Variants in PCBP3 observed in about 807,000 individuals in gnomAD.
PCBP3 encodes poly(rC)-binding protein 3.
Under a neutral mutation model 52.7 loss-of-function variants are expected in PCBP3, and 25 were observed. That is an observed-to-expected ratio of 0.47 (90% CI 0.35 to 0.66). The LOEUF is 0.66. Among genes scored for constraint, PCBP3 ranks in the 30% least tolerant of loss-of-function variants. The pLI, the probability that PCBP3 is intolerant of heterozygous loss-of-function variation, is 0.01. For missense variants in PCBP3, 391 were observed against 490.3 expected (o/e 0.80, Z 1.91); for synonymous variants, 162 against 183.0 (o/e 0.89, Z 0.93).
At chr21:45,859,401 A>G (rs1406896946) in intron 5 of PCBP3, among the ~76,000 whole-genome samples, 3 of 152,202 alleles carry the variant, frequency 2.0e-5, no homozygotes, top group African/African-American at 7.2e-5. Context: ...CTGCATGGCT[A>G]TGCATCAGAA....
Position 45,735,325 on chromosome 21 carries a change from T to G in PCBP3, c.-199-67T>G, listed in dbSNP as rs957318611. The G allele has an allele frequency of 6.6e-6, 1 of 152,192 alleles. No individual in the cohort carries two copies. The highest frequency in any genetic ancestry group is 1.5e-5 in the Non-Finnish European group (1 of 68,038). 9.4% of individuals were successfully genotyped at this position (152,192 alleles called of 1,614,324 possible). A position where few individuals can be genotyped will look rare whatever the true frequency, so the allele number is the denominator to read the frequency against. On this transcript the variant is annotated intron_variant, in intron 2 of 17. Coordinates refer to ENST00000681687, the MANE Select transcript of PCBP3 (RefSeq NM_001384156.1). This position sits in a 1 kb window ranked among gnomAD's most constrained non-coding sequence, Gnocchi z 4.0. The stretch of plus-strand genomic sequence containing the variant: ...TGGTATCTAAGGTGATAGATTGTGA[T>G]TTCTGTCTCTCTTTGGAAAGCCTAT...
intron 4 of PCBP3, among the ~76,000 whole-genome samples, chr21:45,795,110 A>C (rs2091854990): frequency 6.6e-6 from 1 of 152,216 alleles, no homozygotes; most frequent in African/African-American, 2.4e-5. Flanking sequence ...GTGAACTTTT[A>C]TGTACATAAT....
At chr21:45,900,665 G>T (rs1179019088) in intron 8 of PCBP3, 42 bp downstream of exon 8, 1 of 1,303,146 alleles carries the variant, frequency 7.7e-7, no homozygotes, top group Non-Finnish European at 1.1e-6. Flanking sequence ...CCATTCCCGG[G>T]TGGGCGGGGT....
At chr21:45,814,442 G>C (rs565645839) in intron 4 of PCBP3, among the ~76,000 whole-genome samples, 33 of 116,768 alleles carry the variant, frequency 2.8e-4, no homozygotes, top group African/African-American at 1.1e-3. Context: ...AGTGATGAGT[G>C]GTGAGTGGTG....
chr21:45,900,601 CTG>C lies in PCBP3; in HGVS notation c.203_204del (p.Val68GlufsTer5), dbSNP rs751276546. On this transcript the variant is annotated frameshift_variant, in exon 8 of 18. Transcript: ENST00000681687. LOFTEE classifies it high-confidence loss of function. ...AAATCTTTATTCCAGAAAGGAGAAA[CTG>C]TGAAGAAGATGCGTGAGGAGGTGAG... The C allele has an allele frequency of 9.2e-6, 14 of 1,524,230 alleles. No individual in the cohort carries two copies. The highest frequency in any genetic ancestry group is 1.2e-5 in the Non-Finnish European group (13 of 1,122,110). 94.4% of individuals were successfully genotyped at this position (1,524,230 alleles called of 1,614,324 possible).
chr21:45,894,644 A>G (rs1286393694), intron 5 of PCBP3, among the ~76,000 whole-genome samples: 1 of 152,234 alleles, frequency 6.6e-6, no homozygotes, highest in African/African-American at 2.4e-5. Flanking sequence ...CCGCGCTGCC[A>G]GAAATGGCCT....
chr21:45,856,534 C>T (rs999474273), intron 5 of PCBP3, among the ~76,000 whole-genome samples: 2 of 152,150 alleles, frequency 1.3e-5, no homozygotes, highest in African/African-American at 2.4e-5. Context: ...TGGTGATGAC[C>T]GAGCTCTTGT....
intron 4 of PCBP3, among the ~76,000 whole-genome samples, chr21:45,843,935 G>A (rs2075885): frequency 1.3e-5 from 2 of 151,774 alleles, no homozygotes; most frequent in Non-Finnish European, 2.9e-5. Flanking sequence ...ACTTTTGTGG[G>A]GTATACTTGT....
At chr21:45,663,946 G>A (rs1055795752) in intron 1 of PCBP3, among the ~76,000 whole-genome samples, 4 of 151,218 alleles carry the variant, frequency 2.6e-5, no homozygotes, top group Admixed American at 1.3e-4. Flanking sequence ...TCTGTGGATT[G>A]CTTTGGGCAG....
chr21:45,939,935 G>C, intron 16 of PCBP3, 95 bp from the exon 17 acceptor site: 1 of 1,139,134 alleles, frequency 8.8e-7, no homozygotes, highest in Non-Finnish European at 1.3e-6. Context: ...CAAGGCTGGC[G>C]GCCCGTCCCA....
chr21:45,926,101 A>G (rs1023083224), intron 13 of PCBP3, among the ~76,000 whole-genome samples: 6 of 152,272 alleles, frequency 3.9e-5, no homozygotes, highest in African/African-American at 1.4e-4. Context: ...GCACAAAGCA[A>G]TTGCAGTCAT....
At chr21:45,911,387 C>T (rs2096389498) in intron 11 of PCBP3, 10 of 188,638 alleles carry the variant, frequency 5.3e-5, no homozygotes, top group South Asian at 1.5e-4. Context: ...GGAGTCAGGC[C>T]TTGGGGGGCA....
rs2088299934 is a variant in PCBP3 at position 45,758,568 on chromosome 21, T to G, written c.-126+3116T>G. ...TATTTTTTGCTTTTCCATGCTATTA[T>G]AAATGTAATTGTTTTCTTAATTTTA... On this transcript the variant is annotated intron_variant, in intron 4 of 17. Transcript: ENST00000681687. Among the ~76,000 whole-genome samples, 3 of 152,356 alleles carry G rather than the reference T, an allele frequency of 2.0e-5. No individual in the cohort carries two copies. In the South Asian group the frequency reaches 6.2e-4, roughly 32 times the overall value.
chr21:45,731,057 AT>A (rs2085415769), intron 2 of PCBP3, among the ~76,000 whole-genome samples: 2 of 152,148 alleles, frequency 1.3e-5, no homozygotes, highest in African/African-American at 4.8e-5. Flanking sequence ...TAAATCTGTC[AT>A]TTTGCTGTTG....
intron 9 of PCBP3, 93 bp downstream of exon 9, chr21:45,901,206 G>A (rs1314793199): frequency 2.2e-6 from 2 of 894,424 alleles, no homozygotes; most frequent in Non-Finnish European, 3.7e-6. Flanking sequence ...CCTGGACTAG[G>A]GGATGCCCCA....
chr21:45,848,422 G>A (rs1246993326), intron 4 of PCBP3: 1 of 152,292 alleles, frequency 6.6e-6, no homozygotes, highest in Non-Finnish European at 1.5e-5. Flanking sequence ...TGAACGGAGA[G>A]GGTGAAGTGC....
chr21:45,806,175 G>A (rs1186331607), intron 4 of PCBP3, among the ~76,000 whole-genome samples: 1 of 152,230 alleles, frequency 6.6e-6, no homozygotes, highest in Non-Finnish European at 1.5e-5. Context: ...CTGCAGAATC[G>A]CAGAATCACC....
At chr21:45,785,006 A>G (rs1370262332) in intron 4 of PCBP3, among the ~76,000 whole-genome samples, 1 of 146,402 alleles carries the variant, frequency 6.8e-6, no homozygotes, top group Admixed American at 6.7e-5. Context: ...CATCCCATCT[A>G]GGAAGTGAGG....
intron 13 of PCBP3, among the ~76,000 whole-genome samples, chr21:45,927,976 C>T (rs1479670450): frequency 6.6e-6 from 1 of 152,196 alleles, no homozygotes. Flanking sequence ...TGCCATTCAG[C>T]GTCCTGTGGC....
Sources: allele counts gnomAD v4.1 joint callset (sites outside exome capture counted in the v4.1 genomes callset), GRCh38; gene constraint gnomAD v4.1.1; non-coding constraint Gnocchi (gnomAD v3.1); transcripts MANE v1.5; gene names NCBI Gene and HGNC (gene_info 2026-07-23, HGNC 2026-07-21).